The following TMIGD2 variants were observed in gnomAD, a reference collection of about 807,000 sequenced individuals.
TMIGD2 encodes the protein transmembrane and immunoglobulin domain containing 2.
A neutral mutation model predicts 22.6 loss-of-function variants in TMIGD2; 18 were observed. The observed-to-expected ratio is 0.80, with a 90% CI of 0.55 to 1.18. The LOEUF is 1.18. TMIGD2 is among the 50% of genes most tolerant of loss of function. The probability of loss-of-function intolerance (pLI) is 0.00; values close to 1 mark genes in which losing one functional copy is unlikely to be tolerated. For missense variants in TMIGD2, 361 were observed against 378.2 expected, an observed-to-expected ratio of 0.95 and a Z score of 0.38; for synonymous variants, 184 against 154.1, an observed-to-expected ratio of 1.19 and a Z score of -1.44.
At chr19:4,298,377 C>A in intron 1 of TMIGD2, 32 bp from the exon 2 acceptor site, 1 of 1,525,570 alleles carries the variant, frequency 6.6e-7, no homozygotes, top group South Asian at 1.3e-5. Context: ...GGCGACCTTT[C>A]TGACTGTGCG....
At chr19:4,300,364 C>A (rs974605512) in intron 1 of TMIGD2, among the ~76,000 whole-genome samples, 3 of 151,930 alleles carry the variant, frequency 2.0e-5, no homozygotes, top group African/African-American at 4.8e-5. Flanking sequence ...CAAGACCATC[C>A]TGCCCAACAT....
At position 4,295,979 on chromosome 19, in the gene TMIGD2, C is replaced by T. The variant is rs568933852; in HGVS notation, c.407-1163G>A. 1.8e-3 allele frequency among the ~76,000 whole-genome samples: 268 copies of T among 152,186 alleles called. 2 individuals carry two copies. Among genetic ancestry groups the T allele is most frequent in the Non-Finnish European group, 1.8e-3 (120 of 68,008 alleles). On this transcript the variant is annotated intron_variant, in intron 2 of 4. Coordinates refer to ENST00000301272, the Ensembl canonical transcript of TMIGD2. The stretch of plus-strand genomic sequence containing the variant: ...TGTCACCCAGGCTGGAGTGCAGTGG[C>T]GTGATCGTAGCTCACTGCAGTCTCC...
Position 4,292,904 on chromosome 19 carries a change from A to T in TMIGD2, c.563-19T>A. ...GCATTTCCTAGGATGGATGACACAG[A>T]CCAAGAGGATCACTTAAGAGAGTCC... On this transcript the variant is annotated intron_variant, in intron 4 of 4. Transcript: ENST00000301272. 1.9e-6 allele frequency: 3 copies of T among 1,612,368 alleles called. No individual in the cohort carries two copies. Among genetic ancestry groups the T allele is most frequent in the Non-Finnish European group, 2.5e-6 (3 of 1,179,754 alleles).
intron 1 of TMIGD2, among the ~76,000 whole-genome samples, chr19:4,298,720 A>G (rs1469118323): frequency 3.3e-5 from 5 of 152,136 alleles, no homozygotes; most frequent in Admixed American, 6.5e-5. Context: ...TGGGTGACAA[A>G]GCAACACCCT....
rs756636703 is a variant in TMIGD2, at chr19:4,297,973, C to G, written c.406+13G>C. On this transcript the variant is annotated intron_variant, in intron 2 of 4. Coordinates refer to ENST00000301272, the Ensembl canonical transcript of TMIGD2. The stretch of plus-strand genomic sequence containing the variant: ...TCCCCACTGCCCCTCCCTCTCCCCG[C>G]TGGCTCCCGTACCTGGGTCCACAAA... 1 of 1,552,432 alleles carries G rather than the reference C, an allele frequency of 6.4e-7. No individual in the cohort carries two copies. Among genetic ancestry groups the G allele is most frequent in the South Asian group, 1.2e-5 (1 of 81,946 alleles).
intron 4 of TMIGD2, among the ~76,000 whole-genome samples, chr19:4,293,926 TA>T (rs1971421645): frequency 6.6e-6 from 1 of 150,872 alleles, no homozygotes; most frequent in African/African-American, 2.4e-5. Context: ...CACGCCTGGG[TA>T]ATGTTTGTAT....
intron 2 of TMIGD2, among the ~76,000 whole-genome samples, chr19:4,295,273 A>AAAAAAAAAAG (rs1353392291): frequency 1.3e-5 from 2 of 149,862 alleles, no homozygotes; most frequent in Non-Finnish European, 3.0e-5. Flanking sequence ...AAAAAAAAAA[A>AAAAAAAAAAG]AAGAAGGCCA....
At chr19:4,302,207 G>A (rs181492329) in intron 1 of TMIGD2, 133 bp downstream of exon 1, 24 of 936,610 alleles carry the variant, frequency 2.6e-5, no homozygotes, top group Middle Eastern at 2.3e-4. Flanking sequence ...ATCACGTTCT[G>A]AGTCTCGGAG....
Position 4,302,272 on chromosome 19 carries a change from T to TG in TMIGD2, c.46+67dup, listed in dbSNP as rs1334128349. 18 of 1,505,936 alleles carry TG rather than the reference T, an allele frequency of 1.2e-5. 1 individual carries two copies. The highest frequency in any genetic ancestry group is 2.1e-5 in the Admixed American group (1 of 47,692). 93.3% of individuals were successfully genotyped at this position (1,505,936 alleles called of 1,614,324 possible). ...ACTGAAGTTTAGAGGGGCCCTGAGCTGGGGGGCAGGCAGCTGGGGATGACA... is the reference window on the plus strand; with the variant it reads ...ACTGAAGTTTAGAGGGGCCCTGAGCTGGGGGGGCAGGCAGCTGGGGATGACA... On this transcript the variant is annotated intron_variant, in intron 1 of 4. Transcript: ENST00000301272.
At chr19:4,293,186 C>T (rs1445734425) in intron 4 of TMIGD2, among the ~76,000 whole-genome samples, 2 of 151,314 alleles carry the variant, frequency 1.3e-5, no homozygotes, top group Non-Finnish European at 1.5e-5. Flanking sequence ...TGGTCTTGAT[C>T]TCCTGACCTC....
chr19:4,294,735 G>A (rs930602350), intron 3 of TMIGD2, 40 bp downstream of exon 3: 2 of 1,572,954 alleles, frequency 1.3e-6, no homozygotes, highest in African/African-American at 1.4e-5. Flanking sequence ...TGGTGATGCG[G>A]GTGGAAGACG....
intron 1 of TMIGD2, among the ~76,000 whole-genome samples, chr19:4,300,980 GTTTTT>G (rs1971529373): frequency 6.6e-6 from 1 of 152,070 alleles, no homozygotes; most frequent in African/African-American, 2.4e-5. Flanking sequence ...TTTTGTTTTT[GTTTTT>G]GTTTTGAGAT....
chr19:4,300,031 C>A (rs1346785035), intron 1 of TMIGD2, among the ~76,000 whole-genome samples: 1 of 151,844 alleles, frequency 6.6e-6, no homozygotes, highest in Non-Finnish European at 1.5e-5. Flanking sequence ...GAGGCCGAGG[C>A]GGGTGGATCA....
rs1247146038 is a variant in TMIGD2, at chr19:4,293,337, T to C, written c.563-452A>G. ...TAGCAGCGGTGCGATCTCAGCTCAC[T>C]GCAGTCTCCACCTCCCAGGTTCAAG... On this transcript the variant is annotated intron_variant, in intron 4 of 4. Transcript: ENST00000301272. 3.5e-5 allele frequency among the ~76,000 whole-genome samples: 5 copies of C among 144,782 alleles called. 1 individual carries two copies. The highest frequency in any genetic ancestry group is 1.3e-4 in the African/African-American group (5 of 38,378). 95.0% of individuals were successfully genotyped at this position (144,782 alleles called of 152,430 possible).
At chr19:4,301,465 GA>G (rs1304092710) in intron 1 of TMIGD2, among the ~76,000 whole-genome samples, 1 of 152,130 alleles carries the variant, frequency 6.6e-6, no homozygotes, top group Non-Finnish European at 1.5e-5. Flanking sequence ...TCAGGAGTTC[GA>G]GACCCACCTG....
chr19:4,297,360 C>T (rs929462364), intron 2 of TMIGD2, among the ~76,000 whole-genome samples: 6 of 151,618 alleles, frequency 4.0e-5, no homozygotes, highest in South Asian at 2.1e-4. Flanking sequence ...TGAGCTACCG[C>T]GCCCAGCTGA....
Position 4,292,560 on chromosome 19 carries a change from A to T in TMIGD2, c.*39T>A. ...CCTCGATCCCCCCTTTTTTGTGTGT[A>T]CCTATGGGTGGGGTCCTGTTGAGGT... On this transcript the variant is annotated 3_prime_UTR_variant, in exon 5 of 5. Coordinates refer to ENST00000301272, the Ensembl canonical transcript of TMIGD2. 5 of 1,583,618 alleles carry T rather than the reference A, an allele frequency of 3.2e-6. No homozygotes were observed. In the South Asian group the frequency reaches 4.4e-5, roughly 14 times the overall value.
rs181380813 is a variant in TMIGD2 at position 4,301,239 on chromosome 19, G to A, written c.46+1101C>T. Among the ~76,000 whole-genome samples the A allele has an allele frequency of 3.7e-3, 565 of 152,152 alleles. 3 individuals are homozygous for A. The highest frequency in any genetic ancestry group is 4.9e-3 in the Non-Finnish European group (330 of 67,998). The stretch of plus-strand genomic sequence containing the variant: ...CCACCTGCCTCAGTCTCCAATTTAA[G>A]TTTTAATAAAAAGACCTTGGTTGGG... On this transcript the variant is annotated intron_variant, in intron 1 of 4. Transcript: ENST00000301272.
At chr19:4,297,792 T>A (rs1599525046) in intron 2 of TMIGD2, among the ~76,000 whole-genome samples, 194 bp downstream of exon 2, 1 of 150,662 alleles carries the variant, frequency 6.6e-6, no homozygotes, top group African/African-American at 2.4e-5. Context: ...GAGGCGGAGG[T>A]TGCAGTGAGC....
Sources: allele counts gnomAD v4.1 joint callset (sites outside exome capture counted in the v4.1 genomes callset), GRCh38; gene constraint gnomAD v4.1.1; transcripts MANE v1.5; gene names NCBI Gene and HGNC (gene_info 2026-07-23, HGNC 2026-07-21).